ZFAND5: variants seen among roughly 807,000 people sequenced by gnomAD.
ZFAND5 encodes zinc finger AN1-type containing 5.
ZFAND5 carries 4 observed loss-of-function variants against 23.6 expected under a neutral mutation model. The observed-to-expected ratio is 0.17, with a 90% CI of 0.08 to 0.39. The LOEUF is 0.39. Ranked by LOEUF, ZFAND5 falls within the 10% of genes least tolerant of loss-of-function variation. The probability of loss-of-function intolerance (pLI) is 1.00; values close to 1 mark genes in which losing one functional copy is unlikely to be tolerated. For missense variants in ZFAND5, 161 were observed against 253.7 expected (o/e 0.63, Z 2.48); for synonymous variants, 68 against 80.6 (o/e 0.84, Z 0.84).
At chr9:72,358,250 C>T (rs1841999964) in intron 5 of ZFAND5, among the ~76,000 whole-genome samples, 1 of 152,048 alleles carries the variant, frequency 6.6e-6, no homozygotes, top group East Asian at 1.9e-4. Flanking sequence ...ACTGTGACAA[C>T]ATTAATGTTT....
At position 72,355,824 on chromosome 9, in the gene ZFAND5, T is replaced by C. The variant is rs1841927206; in HGVS notation, c.*129A>G. The stretch of plus-strand genomic sequence containing the variant: ...CCCAAACATCCTAAAATATCAATTA[T>C]AAGACAGACAAGTGTAATGTAAAAC... On this transcript the variant is annotated 3_prime_UTR_variant, in exon 7 of 7. Transcript: ENST00000376962. The C allele has an allele frequency of 7.0e-6, 6 of 862,018 alleles. No individual in the cohort carries two copies. Among genetic ancestry groups the C allele is most frequent in the Non-Finnish European group, 1.0e-5 (6 of 577,116 alleles). 53.4% of individuals were successfully genotyped at this position (862,018 alleles called of 1,614,324 possible).
chr9:72,351,815 CA>C lies in ZFAND5; in HGVS notation c.*4137del, dbSNP rs1841781220. The stretch of plus-strand genomic sequence containing the variant: ...AGATTGTACAAACAGGAGAAACAAA[CA>C]GGGGAAACTGTATTTCCAGTTTCTT... On this transcript the variant is annotated 3_prime_UTR_variant, in exon 7 of 7. Transcript: ENST00000376962. 6.6e-6 allele frequency: 1 copy of C among 151,990 alleles called. No homozygotes were observed. The highest frequency in any genetic ancestry group is 2.1e-4 in the South Asian group (1 of 4,820). The allele number at this position is 151,990 out of a possible 1,614,324, so 9.4% of individuals were successfully genotyped here. A position where few individuals can be genotyped will look rare whatever the true frequency, so the allele number is the denominator to read the frequency against.
rs781023772 is a variant in ZFAND5, at chr9:72,360,752, C to T, written c.27G>A (p.Pro9=). 25 of 1,610,236 alleles carry T rather than the reference C, an allele frequency of 1.6e-5. No individual in the cohort carries two copies. Among genetic ancestry groups the T allele is most frequent in the South Asian group, 2.2e-5 (2 of 90,814 alleles). ...ATCCTGTGCTACACAGCATGGGCCC[C>T]GGGGTCTGGTTAGTCTCCTGAGCCA... MAQETNQT[P]GPMLCSTGCG... Residue 9 remains proline (P), a synonymous_variant, in exon 3 of 7, where the codon CCG becomes CCA. Transcript: ENST00000376962.
rs1396179374 is a variant in ZFAND5 at position 72,354,977 on chromosome 9, G to A, written c.*976C>T. On this transcript the variant is annotated 3_prime_UTR_variant, in exon 7 of 7. Coordinates refer to ENST00000376962, the MANE Select transcript of ZFAND5 (RefSeq NM_001102420.3). ...GGATACCACTAAGAAGTCTACTGCAGCCATGTTGGTTATGATTTTCCATGC... is the reference window on the plus strand; with the variant it reads ...GGATACCACTAAGAAGTCTACTGCAACCATGTTGGTTATGATTTTCCATGC... 1 of 152,622 alleles carries A rather than the reference G, an allele frequency of 6.6e-6. No homozygotes were observed. Among genetic ancestry groups the A allele is most frequent in the African/African-American group, 2.4e-5 (1 of 41,446 alleles). The allele number at this position is 152,622 out of a possible 1,614,324, so 9.5% of individuals were successfully genotyped here. A position where few individuals can be genotyped will look rare whatever the true frequency, so the allele number is the denominator to read the frequency against.
Position 72,351,543 on chromosome 9 carries a change from T to C in ZFAND5, c.*4410A>G, listed in dbSNP as rs1055368050. ...TAAATTTAAAACCAGCACTTGTGCA[T>C]AGAAATAGCTATAAAATATTAAATG... On this transcript the variant is annotated 3_prime_UTR_variant, in exon 7 of 7. Transcript: ENST00000376962. 3.3e-5 allele frequency: 5 copies of C among 151,290 alleles called. No homozygotes were observed. Among genetic ancestry groups the C allele is most frequent in the Non-Finnish European group, 7.4e-5 (5 of 67,870 alleles). The allele number at this position is 151,290 out of a possible 1,614,324, so 9.4% of individuals were successfully genotyped here. A position where few individuals can be genotyped will look rare whatever the true frequency, so the allele number is the denominator to read the frequency against.
rs1017620280 is a variant in ZFAND5, at chr9:72,354,221, CATCT to C, written c.*1728_*1731del. 2 of 152,166 alleles carry C rather than the reference CATCT, an allele frequency of 1.3e-5. No individual in the cohort carries two copies. The highest frequency in any genetic ancestry group is 1.3e-4 in the Admixed American group (2 of 15,270). 9.4% of individuals were successfully genotyped at this position (152,166 alleles called of 1,614,324 possible). A position where few individuals can be genotyped will look rare whatever the true frequency, so the allele number is the denominator to read the frequency against. ...AGGTAGGCCATAATTGTTCAAATTT[CATCT>C]TTCTCAAATTTTAAAATTGTTTTAA... On this transcript the variant is annotated 3_prime_UTR_variant, in exon 7 of 7. Coordinates refer to ENST00000376962, the MANE Select transcript of ZFAND5 (RefSeq NM_001102420.3).
At chr9:72,356,721 G>C (rs1214757436) in intron 6 of ZFAND5, among the ~76,000 whole-genome samples, 1 of 151,900 alleles carries the variant, frequency 6.6e-6, no homozygotes, top group Non-Finnish European at 1.5e-5. Context: ...GAGGGCCTGA[G>C]TTAATAGTTT....
rs552977665 is a variant in ZFAND5 at position 72,359,120 on chromosome 9, G to A, written c.367+298C>T. Among the ~76,000 whole-genome samples the A allele has an allele frequency of 7.9e-5, 12 of 152,208 alleles. 1 individual carries two copies. The South Asian group carries it at 2.3e-3, about 29-fold the overall frequency. On this transcript the variant is annotated intron_variant, in intron 5 of 6. Transcript: ENST00000376962. ...TTATAAAATTATTCCTTATACCCTT[G>A]AAATTTAACTTCATCAAGTTTTTAA...
rs1327047630 is a variant in ZFAND5, at chr9:72,352,852, CATTT to C, written c.*3097_*3100del. 3.9e-5 allele frequency: 6 copies of C among 152,164 alleles called. No individual in the cohort carries two copies. Among genetic ancestry groups the C allele is most frequent in the African/African-American group, 1.4e-4 (6 of 41,458 alleles). The allele number at this position is 152,164 out of a possible 1,614,324, so 9.4% of individuals were successfully genotyped here. ...CACTCCTGAAGGTGGTTGCTGTCTTCATTTAAGAGATGAAGCAGTCCAAAGTGGA... is the reference window on the plus strand; with the variant it reads ...CACTCCTGAAGGTGGTTGCTGTCTTCAAGAGATGAAGCAGTCCAAAGTGGA... On this transcript the variant is annotated 3_prime_UTR_variant, in exon 7 of 7. Coordinates refer to ENST00000376962, the MANE Select transcript of ZFAND5 (RefSeq NM_001102420.3).
chr9:72,361,930 A>G (rs748925544), intron 2 of ZFAND5, among the ~76,000 whole-genome samples: 3 of 152,266 alleles, frequency 2.0e-5, no homozygotes, highest in Non-Finnish European at 4.4e-5. Flanking sequence ...ACTACATACT[A>G]GAATACACTT....
Position 72,363,528 on chromosome 9 carries a change from C to T in ZFAND5, c.-68G>A, listed in dbSNP as rs973047004. On this transcript the variant is annotated 5_prime_UTR_variant, in exon 2 of 7. Coordinates refer to ENST00000376962, the MANE Select transcript of ZFAND5 (RefSeq NM_001102420.3). ...CTGCCACTAAGTCAGTGACCTTGGG[C>T]AAGTCCTTACTTTCCAGATTTCAGT... 4.2e-6 allele frequency: 3 copies of T among 718,924 alleles called. No homozygotes were observed. In the African/African-American group the frequency reaches 5.7e-5, roughly 14 times the overall value. The allele number at this position is 718,924 out of a possible 1,614,324, so 44.5% of individuals were successfully genotyped here.
rs75850360 is a variant in ZFAND5, at chr9:72,359,642, T to C, written c.264-121A>G. On this transcript the variant is annotated intron_variant, in intron 4 of 6. Coordinates refer to ENST00000376962, the MANE Select transcript of ZFAND5 (RefSeq NM_001102420.3). ...TCCAAAATGAGCAAATGGAGCTAGA[T>C]AATCTAAAGTTTAAAAAAAAATTGG... 3,667 of 935,124 alleles carry C rather than the reference T, an allele frequency of 3.9e-3. 96 individuals are homozygous for C. In the African/African-American group the frequency reaches 0.056, roughly 14 times the overall value. 57.9% of individuals were successfully genotyped at this position (935,124 alleles called of 1,614,324 possible).
chr9:72,361,112 A>C (rs1468879368), intron 2 of ZFAND5, among the ~76,000 whole-genome samples: 1 of 152,214 alleles, frequency 6.6e-6, no homozygotes, highest in Non-Finnish European at 1.5e-5. Flanking sequence ...TGGTATCTTT[A>C]ACTTTTCACT....
At chr9:72,360,254 G>T in intron 3 of ZFAND5, 33 bp from the exon 4 acceptor site, 1 of 1,562,948 alleles carries the variant, frequency 6.4e-7, no homozygotes, top group South Asian at 1.1e-5. Context: ...AGGAACCAAT[G>T]AACACTACAA....
chr9:72,364,509 C>T, intron 1 of ZFAND5, 187 bp downstream of exon 1: 3 of 1,280,652 alleles, frequency 2.3e-6, no homozygotes, highest in Non-Finnish European at 2.0e-6. Flanking sequence ...TCTCGGGCCA[C>T]GACGACAGGA....
intron 6 of ZFAND5, among the ~76,000 whole-genome samples, chr9:72,356,325 A>G (rs1321240741): frequency 6.6e-6 from 1 of 152,208 alleles, no homozygotes; most frequent in Non-Finnish European, 1.5e-5. Context: ...ATGGTGAGAA[A>G]TTCAAATAAC....
At chr9:72,358,225 A>G (rs2131977143) in intron 5 of ZFAND5, among the ~76,000 whole-genome samples, 1 of 152,224 alleles carries the variant, frequency 6.6e-6, no homozygotes, top group Middle Eastern at 3.4e-3. Flanking sequence ...AACGAACAAT[A>G]TTCTACCTAC....
intron 2 of ZFAND5, among the ~76,000 whole-genome samples, chr9:72,363,183 C>T (rs1244923651): frequency 6.6e-6 from 1 of 151,970 alleles, no homozygotes; most frequent in Non-Finnish European, 1.5e-5. Flanking sequence ...ATGTGTGTTC[C>T]CATTAGGTAT....
At chr9:72,356,692 T>C (rs567174941) in intron 6 of ZFAND5, among the ~76,000 whole-genome samples, 5 of 152,280 alleles carry the variant, frequency 3.3e-5, no homozygotes, top group South Asian at 4.1e-4. Flanking sequence ...AAAAACTTTT[T>C]ATCAATCTAA....
Sources: gnomAD v4.1 joint callset for allele counts (sites outside exome capture counted in the v4.1 genomes callset) on GRCh38, gnomAD v4.1.1 for gene constraint, MANE v1.5 for transcripts, NCBI Gene and HGNC (gene_info 2026-07-23, HGNC 2026-07-21) for gene names.